The following GABBR2 variants were observed in gnomAD, a reference collection of about 807,000 sequenced individuals.
The protein encoded by GABBR2 is gamma-aminobutyric acid type B receptor subunit 2, also known as G-protein coupled receptor 51.
Under a neutral mutation model 105.6 loss-of-function variants are expected in GABBR2, and 23 were observed. The ratio of observed to expected loss-of-function variants is 0.22; its 90% CI spans 0.16 to 0.31. GABBR2 has a LOEUF of 0.31. GABBR2 is among the 10% of genes least tolerant of loss of function. GABBR2 has a pLI of 1.00. For missense variants in GABBR2, 734 were observed against 1,245.5 expected, an observed-to-expected ratio of 0.59 and a Z score of 6.18; for synonymous variants, 478 against 499.7, an observed-to-expected ratio of 0.96 and a Z score of 0.58.
At chr9:98,645,332 G>C (rs1830016941) in intron 1 of GABBR2, among the ~76,000 whole-genome samples, 1 of 152,160 alleles carries the variant, frequency 6.6e-6, no homozygotes, top group Non-Finnish European at 1.5e-5. Flanking sequence ...CCAGCCTTGG[G>C]GAGTGGCAGG....
intron 4 of GABBR2, among the ~76,000 whole-genome samples, chr9:98,491,063 G>T (rs1456299973): frequency 1.3e-5 from 2 of 151,542 alleles, no homozygotes; most frequent in Non-Finnish European, 2.9e-5. Flanking sequence ...CAATGCTATT[G>T]TGTTTCTGTC....
chr9:98,334,265 T>C (rs549315495), intron 13 of GABBR2, among the ~76,000 whole-genome samples: 144 of 152,266 alleles, frequency 9.5e-4, no homozygotes, highest in Middle Eastern at 3.4e-3. Context: ...TTATGCACAA[T>C]TGGAAGCTAA....
At chr9:98,296,064 T>TC (rs1564005877) in intron 17 of GABBR2, among the ~76,000 whole-genome samples, 1 of 152,144 alleles carries the variant, frequency 6.6e-6, no homozygotes, top group Non-Finnish European at 1.5e-5. Context: ...TCTGAATGTG[T>TC]CCCCCCAAAT....
At chr9:98,305,922 G>T (rs1830543669) in intron 15 of GABBR2, among the ~76,000 whole-genome samples, 199 bp downstream of exon 15, 1 of 152,080 alleles carries the variant, frequency 6.6e-6, no homozygotes, top group Non-Finnish European at 1.5e-5. Flanking sequence ...GATGATTTTT[G>T]GGTGGTGGGA....
rs113747643 is a variant in GABBR2 at position 98,388,619 on chromosome 9, CTGTGTGTGTGTG to C, written c.1529+223_1529+234del. Among the ~76,000 whole-genome samples, 1,460 of 144,560 alleles carry C rather than the reference CTGTGTGTGTGTG, an allele frequency of 0.01. 21 individuals carry two copies. The highest frequency in any genetic ancestry group is 0.063 in the East Asian group (297 of 4,686). The allele number at this position is 144,560 out of a possible 152,430, so 94.8% of individuals were successfully genotyped here. A position where few individuals can be genotyped will look rare whatever the true frequency, so the allele number is the denominator to read the frequency against. ...TCCTGTGCAACCAGCAGCCTGGCCT[CTGTGTGTGTGTG>C]TGTGTGTGTGTGTGTGTGTGTGTGT... On this transcript the variant is annotated intron_variant, in intron 10 of 18. Coordinates refer to ENST00000259455, the MANE Select transcript of GABBR2 (RefSeq NM_005458.8). This position sits in a 1 kb window ranked among gnomAD's most constrained non-coding sequence, Gnocchi z 4.4.
chr9:98,341,293 C>A (rs1257024626), intron 13 of GABBR2, among the ~76,000 whole-genome samples: 1 of 152,242 alleles, frequency 6.6e-6, no homozygotes, highest in African/African-American at 2.4e-5. Context: ...CGAGCCGAGG[C>A]TGGGCCAGGA....
intron 1 of GABBR2, among the ~76,000 whole-genome samples, chr9:98,598,471 C>G (rs115725888): frequency 2.6e-5 from 4 of 151,948 alleles, no homozygotes; most frequent in Non-Finnish European, 5.9e-5. Flanking sequence ...AGGAGGCTGG[C>G]GGGTGCAGTC....
intron 13 of GABBR2, among the ~76,000 whole-genome samples, chr9:98,329,334 T>C (rs1217504143): frequency 2.0e-5 from 3 of 152,186 alleles, no homozygotes; most frequent in South Asian, 2.1e-4. Flanking sequence ...AGAGATTTGC[T>C]TAGATTTCTT....
intron 8 of GABBR2, 22 bp downstream of exon 8, chr9:98,406,059 G>A (rs890117964): frequency 2.3e-6 from 3 of 1,311,154 alleles, no homozygotes. Context: ...CAGCTAGAAA[G>A]AATAAGCATC....
intron 18 of GABBR2, among the ~76,000 whole-genome samples, chr9:98,292,577 T>G (rs1830318739): frequency 6.6e-6 from 1 of 152,204 alleles, no homozygotes; most frequent in Non-Finnish European, 1.5e-5. Flanking sequence ...GTTGGAGATC[T>G]CATTCTGAAG....
intron 1 of GABBR2, among the ~76,000 whole-genome samples, chr9:98,667,432 T>A (rs2131858275): frequency 6.6e-6 from 1 of 152,232 alleles, no homozygotes; most frequent in East Asian, 1.9e-4. Context: ...CAGGGAGTGC[T>A]GGCTGCTGAC....
chr9:98,349,075 C>T (rs770797738), intron 13 of GABBR2, among the ~76,000 whole-genome samples: 4 of 151,966 alleles, frequency 2.6e-5, no homozygotes, highest in Admixed American at 1.3e-4. Context: ...TCATAGATGG[C>T]CTTTAGTATG....
intron 5 of GABBR2, among the ~76,000 whole-genome samples, chr9:98,480,285 A>G (rs1826888744): frequency 6.6e-6 from 1 of 152,158 alleles, no homozygotes; most frequent in Non-Finnish European, 1.5e-5. Context: ...CATCTAACTT[A>G]AGCTAGAAGT....
chr9:98,440,039 G>T (rs1336817), intron 7 of GABBR2, among the ~76,000 whole-genome samples: 9,900 of 152,164 alleles, frequency 0.065, 392 homozygotes, highest in South Asian at 0.14. Context: ...TCCTTACTGC[G>T]AATTACCCTC....
Position 98,529,342 on chromosome 9 carries a change from T to C in GABBR2, c.630+12531A>G, listed in dbSNP as rs531064451. On this transcript the variant is annotated intron_variant, in intron 3 of 18. Coordinates refer to ENST00000259455, the MANE Select transcript of GABBR2 (RefSeq NM_005458.8). ...AGATTGGGGTCAAGTCAAGAAGCAC[T>C]GTAGCCATTAGGAGTCACGGTGACG... Among the ~76,000 whole-genome samples, 34 of 152,358 alleles carry C rather than the reference T, an allele frequency of 2.2e-4. No individual in the cohort carries two copies. In the South Asian group the frequency reaches 6.8e-3, roughly 31 times the overall value.
intron 1 of GABBR2, among the ~76,000 whole-genome samples, chr9:98,670,205 A>G (rs7869909): frequency 0.93 from 140,938 of 151,912 alleles, 65,503 homozygotes; most frequent in Middle Eastern, 0.97. Context: ...ACAATTCAAT[A>G]CTTTCTAGTA....
chr9:98,313,774 G>C (rs1830671987), intron 13 of GABBR2, among the ~76,000 whole-genome samples: 1 of 151,998 alleles, frequency 6.6e-6, no homozygotes, highest in African/African-American at 2.4e-5. Flanking sequence ...AAGGTACTTT[G>C]ATGGGACCCA....
intron 13 of GABBR2, among the ~76,000 whole-genome samples, chr9:98,320,672 T>C (rs957715655): frequency 6.6e-6 from 1 of 152,032 alleles, no homozygotes; most frequent in African/African-American, 2.4e-5. Flanking sequence ...GTTCATGTCC[T>C]TTGTAGGGAC....
intron 4 of GABBR2, among the ~76,000 whole-genome samples, chr9:98,493,259 A>G (rs1428169464): frequency 6.6e-6 from 1 of 152,148 alleles, no homozygotes; most frequent in Non-Finnish European, 1.5e-5. Flanking sequence ...GGTATTACAA[A>G]ATACTCCAGA....
Sources: gnomAD v4.1 joint callset for allele counts (sites outside exome capture counted in the v4.1 genomes callset) on GRCh38, gnomAD v4.1.1 for gene constraint, Gnocchi (gnomAD v3.1) non-coding constraint, MANE v1.5 for transcripts, NCBI Gene and HGNC (gene_info 2026-07-23, HGNC 2026-07-21) for gene names.